Variants in TFEB observed in about 807,000 individuals in gnomAD.
The protein encoded by TFEB is transcription factor EB.
A neutral mutation model predicts 48.0 loss-of-function variants in TFEB; 12 were observed. The ratio of observed to expected loss-of-function variants is 0.25; its 90% confidence interval spans 0.16 to 0.40. The LOEUF is 0.40. Ranked by LOEUF, TFEB falls within the 10% of genes least tolerant of loss-of-function variation. The pLI is 1.00. For synonymous variants in TFEB, 244 were observed against 261.4 expected (o/e 0.93, Z 0.64); for missense variants, 509 against 640.3 (o/e 0.79, Z 2.21).
chr6:41,732,718 T>C (rs922614217), intron 1 of TFEB: 5 of 985,574 alleles, frequency 5.1e-6, no homozygotes, highest in Non-Finnish European at 6.0e-6. Flanking sequence ...TTCATCTCCC[T>C]CCTCTCAGAT....
intron 1 of TFEB, among the ~76,000 whole-genome samples, chr6:41,710,506 A>C (rs1350915566): frequency 1.3e-5 from 2 of 152,266 alleles, no homozygotes; most frequent in African/African-American, 4.8e-5. Context: ...GCTGAAGAGC[A>C]GAGAGGATTT....
In TFEB at chr6:41,732,954, C is replaced by T. The variant is rs539076871; in HGVS notation, c.-23+2396G>A. 1.9e-5 allele frequency: 19 copies of T among 985,480 alleles called. No homozygotes were observed. In the South Asian group the frequency reaches 8.9e-4, roughly 46 times the overall value. The allele number at this position is 985,480 out of a possible 1,614,324, so 61.0% of individuals were successfully genotyped here. On this transcript the variant is annotated intron_variant, in intron 1 of 8. Coordinates refer to ENST00000373033, the MANE Select transcript of TFEB (RefSeq NM_001271944.2). ...CATGACAGCTGTGGTTGGGGAAACC[C>T]CTGTTGCCTGCAGAAACCGAGTTGA...
chr6:41,734,788 G>A lies in TFEB; in HGVS notation c.-23+562C>T. The A allele has an allele frequency of 1.4e-6, 1 of 710,604 alleles. No individual in the cohort carries two copies. The highest frequency in any genetic ancestry group is 1.7e-6 in the Non-Finnish European group (1 of 578,412). The allele number at this position is 710,604 out of a possible 1,614,324, so 44.0% of individuals were successfully genotyped here. On this transcript the variant is annotated intron_variant, in intron 1 of 8. Coordinates refer to ENST00000373033, the MANE Select transcript of TFEB (RefSeq NM_001271944.2). The surrounding 1 kb of genome is among the most constrained non-coding windows in gnomAD (Gnocchi z 4.0). ...AAGGGACGGGAAGGGAGGGAGAGAT[G>A]GTACTTCCACCCGCCCCCCCATCAG... is the stretch of plus-strand genomic sequence containing the variant.
At chr6:41,701,956 A>AAAG (rs1463702179) in intron 1 of TFEB, among the ~76,000 whole-genome samples, 4 of 151,852 alleles carry the variant, frequency 2.6e-5, no homozygotes, top group African/African-American at 7.3e-5. Flanking sequence ...AAAAAAAAAA[A>AAAG]AAAAGAAAGA....
intron 1 of TFEB, among the ~76,000 whole-genome samples, chr6:41,703,366 C>G (rs751595213): frequency 3.3e-5 from 5 of 152,108 alleles, no homozygotes; most frequent in Admixed American, 6.6e-5. Flanking sequence ...CCTAAGCCAC[C>G]CCCGCCTCAG....
chr6:41,690,691 A>G lies in TFEB; in HGVS notation c.440T>C (p.Leu147Pro). Residue 147 changes from leucine to proline, a missense_variant, in exon 3 of 9, where the codon CTG becomes CCG. Leu to Pro is a moderately conservative substitution (Grantham distance 98, BLOSUM62 -3). Coordinates refer to ENST00000373033, the MANE Select transcript of TFEB (RefSeq NM_001271944.2). Reference protein sequence around the residue: ...NSAPNSPMAMLHIGSNPEREL... With the variant: ...NSAPNSPMAMPHIGSNPEREL... Reference sequence around the variant, plus strand: ...CCTCTCAGGGTTGGAGCCAATGTGCAGCATGGCCATGGGGCTATTGGGAGC... The same window carrying G: ...CCTCTCAGGGTTGGAGCCAATGTGCGGCATGGCCATGGGGCTATTGGGAGC... 6.5e-7 allele frequency: 1 copy of G among 1,545,550 alleles called. No homozygotes were observed. The highest frequency in any genetic ancestry group is 2.3e-5 in the East Asian group (1 of 43,906).
chr6:41,705,282 C>T (rs903792252), intron 1 of TFEB, among the ~76,000 whole-genome samples: 1 of 152,194 alleles, frequency 6.6e-6, no homozygotes, highest in Non-Finnish European at 1.5e-5. Context: ...TGCCTAAACC[C>T]CAGCTCCATC....
chr6:41,701,943 T>TTAAA (rs1769948383), intron 1 of TFEB, among the ~76,000 whole-genome samples: 1 of 70,032 alleles, frequency 1.4e-5, no homozygotes, highest in Non-Finnish European at 2.7e-5. Flanking sequence ...AGGCTCCGTC[T>TTAAA]CAAAAAAAAA....
Position 41,734,507 on chromosome 6 carries a change from C to T in TFEB, c.-23+843G>A. On this transcript the variant is annotated intron_variant, in intron 1 of 8. Transcript: ENST00000373033. The surrounding 1 kb of genome is among the most constrained non-coding windows in gnomAD (Gnocchi z 4.0). ...CTGGTCGGGACAGCCCAGGGGTGGG[C>T]GGCACGGACTCGGGGGATCGGGGGG... is the stretch of plus-strand genomic sequence containing the variant. 3.6e-6 allele frequency: 1 copy of T among 276,110 alleles called. No individual in the cohort carries two copies. Among genetic ancestry groups the T allele is most frequent in the Non-Finnish European group, 5.0e-6 (1 of 198,170 alleles). 17.1% of individuals were successfully genotyped at this position (276,110 alleles called of 1,614,324 possible). A position where few individuals can be genotyped will look rare whatever the true frequency, so the allele number is the denominator to read the frequency against.
rs950196938 is a variant in TFEB, at chr6:41,724,823, C to T, written c.-23+10527G>A. Reference sequence around the variant, plus strand: ...GGGCCCGCAGGGACTGTGGGGGAAGCGCCTCACAGCCCCTGCAGCAGCACG... The same window carrying T: ...GGGCCCGCAGGGACTGTGGGGGAAGTGCCTCACAGCCCCTGCAGCAGCACG... On this transcript the variant is annotated intron_variant, in intron 1 of 8. Transcript: ENST00000373033. This position sits in a 1 kb window ranked among gnomAD's most constrained non-coding sequence, Gnocchi z 4.4. 3.9e-5 allele frequency among the ~76,000 whole-genome samples: 6 copies of T among 152,178 alleles called. No individual in the cohort carries two copies. Among genetic ancestry groups the T allele is most frequent in the East Asian group, 1.9e-4 (1 of 5,182 alleles).
chr6:41,688,204 A>G (rs2294974), intron 4 of TFEB, 176 bp from the exon 5 acceptor site: 141,370 of 709,614 alleles, frequency 0.2, 15,583 homozygotes, highest in East Asian at 0.27. Context: ...CAGAGCTATT[A>G]TAAGATGTAG....
At chr6:41,725,232 G>A (rs1276309572) in intron 1 of TFEB, among the ~76,000 whole-genome samples, 1 of 152,160 alleles carries the variant, frequency 6.6e-6, no homozygotes, top group Non-Finnish European at 1.5e-5. Flanking sequence ...TTAGTTACAG[G>A]GGCTGTCCTG....
At chr6:41,714,625 A>C (rs1172960787) in intron 1 of TFEB, among the ~76,000 whole-genome samples, 1 of 152,192 alleles carries the variant, frequency 6.6e-6, no homozygotes, top group Non-Finnish European at 1.5e-5. Context: ...CTTTCTGCCC[A>C]TATCACCCCT....
intron 1 of TFEB, among the ~76,000 whole-genome samples, chr6:41,709,751 T>A (rs1474995311): frequency 2.0e-5 from 3 of 152,154 alleles, no homozygotes; most frequent in African/African-American, 7.2e-5. Flanking sequence ...TCTGCATCGT[T>A]CCCATCTGGT....
intron 1 of TFEB, among the ~76,000 whole-genome samples, chr6:41,704,561 C>T (rs1035701165): frequency 6.6e-5 from 10 of 152,364 alleles, no homozygotes; most frequent in Admixed American, 3.9e-4. Flanking sequence ...TAAGGCATTG[C>T]ACGCCCTGTT....
At chr6:41,733,009 GGT>G in intron 1 of TFEB, 1 of 985,542 alleles carries the variant, frequency 1.0e-6, no homozygotes, top group Non-Finnish European at 1.2e-6. Flanking sequence ...GAACCCAGGG[GGT>G]GGCTGGGCTA....
intron 1 of TFEB, among the ~76,000 whole-genome samples, chr6:41,710,668 C>A (rs1197826257): frequency 6.6e-6 from 1 of 152,142 alleles, no homozygotes; most frequent in South Asian, 2.1e-4. Flanking sequence ...AAAGTCCAAG[C>A]GCTCTAGTTG....
chr6:41,690,927 G>A lies in TFEB; in HGVS notation c.214-10C>T. 6.3e-7 allele frequency: 1 copy of A among 1,577,788 alleles called. No homozygotes were observed. The highest frequency in any genetic ancestry group is 1.7e-4 in the Middle Eastern group (1 of 5,900). On this transcript the variant is annotated splice_polypyrimidine_tract_variant and intron_variant, in intron 2 of 8. Transcript: ENST00000373033. Reference sequence around the variant, plus strand: ...CCAGGTAGGACTGCACCTGGGAGGGGGAAAAGGCAAGGGCTCTAGGGGAGG... The same window carrying A: ...CCAGGTAGGACTGCACCTGGGAGGGAGAAAAGGCAAGGGCTCTAGGGGAGG...
chr6:41,706,523 C>T (rs565276228), intron 1 of TFEB, among the ~76,000 whole-genome samples: 3 of 149,990 alleles, frequency 2.0e-5, no homozygotes, highest in African/African-American at 7.3e-5. Context: ...CCACCCCCAT[C>T]CTGCCCAAGA....
Sources: gnomAD v4.1 joint callset for allele counts (sites outside exome capture counted in the v4.1 genomes callset) on GRCh38, gnomAD v4.1.1 for gene constraint, Gnocchi (gnomAD v3.1) non-coding constraint, MANE v1.5 for transcripts, NCBI Gene and HGNC (gene_info 2026-07-23, HGNC 2026-07-21) for gene names.